Variants in FRMD1 observed in about 807,000 individuals in gnomAD.
FRMD1 encodes the protein FERM domain-containing protein 1.
Under a neutral mutation model 54.9 loss-of-function variants are expected in FRMD1, and 51 were observed. The ratio of observed to expected loss-of-function variants is 0.93; its 90% CI spans 0.74 to 1.17. The LOEUF (loss-of-function observed/expected upper bound fraction) is 1.17. Among genes scored for constraint, FRMD1 ranks in the 50% most tolerant of loss-of-function variants. The probability of loss-of-function intolerance (pLI) is 0.00; values close to 1 mark genes in which losing one functional copy is unlikely to be tolerated. For synonymous variants in FRMD1, 324 were observed against 306.4 expected (o/e 1.06, Z -0.60); for missense variants, 729 against 743.0 (o/e 0.98, Z 0.22).
At chr6:168,081,959 G>C (rs1800839237), upstream of FRMD1, 1 of 156,604 alleles carries the variant, frequency 6.4e-6, no homozygotes, top group Non-Finnish European at 1.4e-5. Flanking sequence ...TTATAAAACA[G>C]TCACGCAAAA....
chr6:168,071,934 C>A lies in FRMD1; in HGVS notation c.304+3311G>T, dbSNP rs548953864. Among the ~76,000 whole-genome samples, 18 of 152,340 alleles carry A rather than the reference C, an allele frequency of 1.2e-4. No individual in the cohort carries two copies. In the South Asian group the frequency reaches 3.5e-3, roughly 30 times the overall value. On this transcript the variant is annotated intron_variant, in intron 2 of 10. Coordinates refer to ENST00000283309, the MANE Select transcript of FRMD1 (RefSeq NM_024919.6). ...CTGCCTCCTGCCTCCCGGGCCTCCC[C>A]ACTGCTGGCCCTTGTGCTCAGACAC...
intron 2 of FRMD1, chr6:168,067,656 C>T: frequency 3.8e-6 from 2 of 520,640 alleles, no homozygotes; most frequent in Non-Finnish European, 6.8e-6. Flanking sequence ...CTTACTAAAA[C>T]AATGTTCCAA....
upstream of FRMD1, among the ~76,000 whole-genome samples, chr6:168,085,877 C>G (rs550015135): frequency 5.8e-4 from 89 of 152,342 alleles, no homozygotes; most frequent in African/African-American, 2.1e-3. Flanking sequence ...GCATCCAAAG[C>G]CCGTGTGGTC....
intron 6 of FRMD1, 59 bp from the exon 7 acceptor site, chr6:168,063,018 G>A: frequency 7.1e-7 from 1 of 1,416,484 alleles, no homozygotes; most frequent in South Asian, 1.1e-5. Context: ...CCTCACTGAT[G>A]GCAGAGTATG....
chr6:168,081,342 C>T (rs1800824256), upstream of FRMD1: 1 of 1,524,442 alleles, frequency 6.6e-7, no homozygotes, highest in African/African-American at 1.4e-5. Context: ...ACTGACCCCA[C>T]CTCTGAATGT....
intron 7 of FRMD1, chr6:168,062,635 G>C: frequency 6.5e-7 from 1 of 1,542,864 alleles, no homozygotes; most frequent in Non-Finnish European, 8.8e-7. Context: ...CATCTGCCCA[G>C]GCTTTCCAGG....
chr6:168,069,100 G>A (rs1442756084), intron 2 of FRMD1, among the ~76,000 whole-genome samples: 1 of 152,234 alleles, frequency 6.6e-6, no homozygotes, highest in Non-Finnish European at 1.5e-5. Flanking sequence ...TAAAGACTCT[G>A]AACCAATCCC....
chr6:168,076,926 A>T (rs975000802), intron 1 of FRMD1, among the ~76,000 whole-genome samples: 1 of 151,928 alleles, frequency 6.6e-6, no homozygotes, highest in Non-Finnish European at 1.5e-5. Context: ...CTGTCTAACT[A>T]CAGATACACA....
intron 2 of FRMD1, 94 bp from the exon 3 acceptor site, chr6:168,067,540 A>G: frequency 1.3e-6 from 1 of 768,730 alleles, no homozygotes; most frequent in South Asian, 1.7e-5. Flanking sequence ...GAGAGAAGAG[A>G]TGCACAGCTG....
chr6:168,085,693 C>T (rs953620571), upstream of FRMD1, among the ~76,000 whole-genome samples: 3 of 152,178 alleles, frequency 2.0e-5, no homozygotes, highest in Non-Finnish European at 2.9e-5. Flanking sequence ...CTGCAACTGC[C>T]TCCCAGGTGT....
At chr6:168,068,019 G>C (rs1800133008) in intron 2 of FRMD1, among the ~76,000 whole-genome samples, 1 of 152,100 alleles carries the variant, frequency 6.6e-6, no homozygotes, top group African/African-American at 2.4e-5. Context: ...GGCTGAGGCA[G>C]GAAGATTGCT....
At chr6:168,063,500 A>T in intron 6 of FRMD1, 101 bp downstream of exon 6, 1 of 1,332,234 alleles carries the variant, frequency 7.5e-7, no homozygotes, top group African/African-American at 1.5e-5. Flanking sequence ...GGCTCCATCC[A>T]TCCCTGCCCT....
rs149952475 is a variant in FRMD1, at chr6:168,066,548, C to T, written c.461+207G>A. ...AGAAAAAGAAAAGAAAAAGAAGTAC[C>T]AATTTATGACACAGTCTGTATACCT... On this transcript the variant is annotated intron_variant, in intron 4 of 10. Transcript: ENST00000283309. 4.9e-4 allele frequency: 626 copies of T among 1,283,000 alleles called. 1 individual carries two copies. In the African/African-American group the frequency reaches 8.0e-3, roughly 16 times the overall value. The allele number at this position is 1,283,000 out of a possible 1,614,324, so 79.5% of individuals were successfully genotyped here.
Position 168,060,931 on chromosome 6 carries a change from TCGG to T in FRMD1, c.1169_1171del (p.Ala390del). 6.2e-7 allele frequency: 1 copy of T among 1,613,708 alleles called. No homozygotes were observed. The highest frequency in any genetic ancestry group is 8.5e-7 in the Non-Finnish European group (1 of 1,180,034). On this transcript the variant is annotated inframe_deletion, in exon 9 of 11. Coordinates refer to ENST00000283309, the MANE Select transcript of FRMD1 (RefSeq NM_024919.6). Reference sequence around the variant, plus strand: ...TGACGTGTAGGAACTGCCGTGGCTGTCGGCGGAGTGGCGTGAGAGGCAGTGGGG... The same window carrying T: ...TGACGTGTAGGAACTGCCGTGGCTGTCGGAGTGGCGTGAGAGGCAGTGGGG...
chr6:168,075,728 C>A, intron 1 of FRMD1: 1 of 1,536,484 alleles, frequency 6.5e-7, no homozygotes, highest in Non-Finnish European at 8.8e-7. Flanking sequence ...GCGCGAGCAT[C>A]GGTGTCTCAC....
At chr6:168,085,038 T>G (rs1467331289), upstream of FRMD1, among the ~76,000 whole-genome samples, 1 of 152,166 alleles carries the variant, frequency 6.6e-6, no homozygotes, top group African/African-American at 2.4e-5. Context: ...AGCAGACACA[T>G]TCCCACAAAG....
chr6:168,074,955 C>T (rs1471673762), intron 2 of FRMD1, among the ~76,000 whole-genome samples: 2 of 144,202 alleles, frequency 1.4e-5, no homozygotes, highest in South Asian at 2.2e-4. Context: ...ACGTGTGTGG[C>T]GTGTGCATGT....
intron 7 of FRMD1, 72 bp downstream of exon 7, chr6:168,062,821 AC>A: frequency 6.2e-7 from 1 of 1,604,262 alleles, no homozygotes. Context: ...CACAGCCCAG[AC>A]TCCAGTGGGG....
chr6:168,092,052 G>T (rs1453422038), intron 1 of FRMD1, among the ~76,000 whole-genome samples: 1 of 152,250 alleles, frequency 6.6e-6, no homozygotes, highest in Non-Finnish European at 1.5e-5. Flanking sequence ...CTGGCCCTCT[G>T]CTGGGCTGCT....
Sources: gnomAD v4.1 joint callset for allele counts (sites outside exome capture counted in the v4.1 genomes callset) on GRCh38, gnomAD v4.1.1 for gene constraint, MANE v1.5 for transcripts, NCBI Gene and HGNC (gene_info 2026-07-23, HGNC 2026-07-21) for gene names.